MOCS1: variants seen among roughly 807,000 people sequenced by gnomAD.
MOCS1 encodes the protein molybdenum cofactor synthesis 1, also known as molybdenum cofactor biosynthesis protein 1.
A neutral mutation model predicts 57.6 loss-of-function variants in MOCS1; 39 were observed. The ratio of observed to expected loss-of-function variants is 0.68; its 90% CI spans 0.52 to 0.88. The LOEUF (loss-of-function observed/expected upper bound fraction) is 0.88, where lower values mean the gene tolerates loss of function less well. MOCS1 is among the 40% of genes least tolerant of loss of function. The probability of loss-of-function intolerance (pLI) is 0.00; values close to 1 mark genes in which losing one functional copy is unlikely to be tolerated. For missense variants in MOCS1, 795 were observed against 831.1 expected, an observed-to-expected ratio of 0.96 and a Z score of 0.53; for synonymous variants, 334 against 335.7, an observed-to-expected ratio of 1.00 and a Z score of 0.05.
At chr6:39,907,931 T>A (rs1465902973) in intron 10 of MOCS1, among the ~76,000 whole-genome samples, 2 of 152,216 alleles carry the variant, frequency 1.3e-5, no homozygotes, top group African/African-American at 4.8e-5. Flanking sequence ...TCTCTGAAAG[T>A]ATGAGGCAAA....
rs745669044 is a variant in MOCS1, at chr6:39,927,460, G to A, written c.124-5C>T. On this transcript the variant is annotated splice_polypyrimidine_tract_variant and splice_region_variant and intron_variant, in intron 1 of 10. Transcript: ENST00000340692. ...CTGCCTCCGCCTGGACACCTCCTGCGAGGACAGACCAGGGAGGAAGCATGG... is the reference window on the plus strand; with the variant it reads ...CTGCCTCCGCCTGGACACCTCCTGCAAGGACAGACCAGGGAGGAAGCATGG... 10 of 1,610,494 alleles carry A rather than the reference G, an allele frequency of 6.2e-6. No individual in the cohort carries two copies. The highest frequency in any genetic ancestry group is 5.5e-5 in the South Asian group (5 of 90,642).
chr6:39,925,709 C>G lies in MOCS1; in HGVS notation c.387G>C (p.Pro129=), dbSNP rs547995191. 1.2e-6 allele frequency: 2 copies of G among 1,612,822 alleles called. No individual in the cohort carries two copies. Among genetic ancestry groups the G allele is most frequent in the Admixed American group, 3.3e-5 (2 of 60,024 alleles). Residue 129 remains proline (P), a synonymous_variant, in exon 3 of 11, where the codon CCG becomes CCC. Coordinates refer to ENST00000340692, the MANE Select transcript of MOCS1 (RefSeq NM_001358530.2). ...TGTCCACCACGTCCGGCCGGATAAGCGGCTCTCCACCTGTGAGCCGGATCT... is the reference window on the plus strand; with the variant it reads ...TGTCCACCACGTCCGGCCGGATAAGGGGCTCTCCACCTGTGAGCCGGATCT... ...IDKIRLTGGE[P]LIRPDVVDIV...
At chr6:39,928,825 T>C (rs1396105212) in intron 1 of MOCS1, among the ~76,000 whole-genome samples, 1 of 152,136 alleles carries the variant, frequency 6.6e-6, no homozygotes. Flanking sequence ...AAAATTATGA[T>C]GAAGAACAGA....
At chr6:39,909,722 C>T (rs112683149) in intron 9 of MOCS1, 113 bp downstream of exon 9, 222 of 1,445,996 alleles carry the variant, frequency 1.5e-4, no homozygotes, top group Middle Eastern at 1.5e-3. Context: ...TGCTGACTCT[C>T]GCCAGCTTCC....
chr6:39,919,442 C>T (rs983479205), intron 3 of MOCS1, among the ~76,000 whole-genome samples: 3 of 151,770 alleles, frequency 2.0e-5, no homozygotes, highest in South Asian at 2.1e-4. Flanking sequence ...GAGCCGAGAT[C>T]GTGTCATTGC....
At position 39,916,200 on chromosome 6, in the gene MOCS1, T is replaced by C. The variant is rs760464651; in HGVS notation, c.451A>G (p.Ile151Val). ...QLQRLEGLRTIGVTTNGINLA... is the reference protein window; with the variant it reads ...QLQRLEGLRTVGVTTNGINLA... The stretch of plus-strand genomic sequence containing the variant: ...TTGATGCCATTGGTGGTAACACCTA[T>C]GGTTCTCAGCCCTTCCAGCCGCTGG... Residue 151 changes from isoleucine to valine, a missense_variant, in exon 4 of 11, where the codon ATA becomes GTA. This residue lies in a region of MOCS1 where 416 missense variants were observed against 392.4 expected (regional missense o/e 1.06). Coordinates refer to ENST00000340692, the MANE Select transcript of MOCS1 (RefSeq NM_001358530.2). 60 of 1,613,918 alleles carry C rather than the reference T, an allele frequency of 3.7e-5. No individual in the cohort carries two copies. The South Asian group carries it at 6.4e-4, about 17-fold the overall frequency.
At chr6:39,917,345 C>T (rs1453179372) in intron 3 of MOCS1, among the ~76,000 whole-genome samples, 5 of 152,152 alleles carry the variant, frequency 3.3e-5, no homozygotes, top group Admixed American at 2.0e-4. Context: ...ATCATGAGAA[C>T]AGCATGAGGG....
At chr6:39,927,836 C>T in intron 1 of MOCS1, 1 of 1,092,410 alleles carries the variant, frequency 9.2e-7, no homozygotes, top group East Asian at 3.8e-5. Flanking sequence ...GAAGAGACTG[C>T]TGAAGGCCAC....
At chr6:39,916,274 C>T (rs1478025060) in intron 3 of MOCS1, 42 bp from the exon 4 acceptor site, 1 of 1,610,170 alleles carries the variant, frequency 6.2e-7, no homozygotes, top group Admixed American at 1.7e-5. Flanking sequence ...CTTGCTTGTT[C>T]TTGGTGAGGC....
chr6:39,924,039 G>A (rs889753169), intron 3 of MOCS1, among the ~76,000 whole-genome samples: 21 of 152,184 alleles, frequency 1.4e-4, no homozygotes, highest in South Asian at 2.1e-4. Context: ...TCATAGCCCC[G>A]ATTTCATCAC....
intron 3 of MOCS1, among the ~76,000 whole-genome samples, 160 bp downstream of exon 3, chr6:39,925,518 A>G (rs1170665332): frequency 1.3e-5 from 2 of 152,208 alleles, no homozygotes; most frequent in African/African-American, 4.8e-5. Context: ...TTTCTCATCA[A>G]AAATGGAAAT....
chr6:39,929,778 T>G (rs577404121), intron 1 of MOCS1, among the ~76,000 whole-genome samples: 1 of 151,660 alleles, frequency 6.6e-6, no homozygotes, highest in South Asian at 2.1e-4. Flanking sequence ...CCGTCTCTAC[T>G]AAAAAATACA....
In MOCS1 at chr6:39,913,405, G is replaced by A. The variant is rs767413157; in HGVS notation, c.669C>T (p.Gly223=). Residue 223 remains glycine, a synonymous_variant, in exon 6 of 11, where the codon GGC becomes GGT. Transcript: ENST00000340692. ...AGTCCAGGAGTTCATCCTCGTTAAG[G>A]CCTCGCATCACCACACAGTTCACCT... ...PVKVNCVVMR[G]LNEDELLDFA... is the part of the protein sequence containing the mutation. 9.3e-6 allele frequency: 15 copies of A among 1,614,064 alleles called. No individual in the cohort carries two copies. Among genetic ancestry groups the A allele is most frequent in the Non-Finnish European group, 1.3e-5 (15 of 1,180,028 alleles).
Position 39,909,117 on chromosome 6 carries a change from A to C in MOCS1, c.1103-15T>G, listed in dbSNP as rs202219276. ...ACTGAACATGCCTGGGGTGAGGGAA[A>C]GATGGGGAGGGAGAGGAAAGCAGGG... On this transcript the variant is annotated splice_polypyrimidine_tract_variant and intron_variant, in intron 9 of 10. Coordinates refer to ENST00000340692, the MANE Select transcript of MOCS1 (RefSeq NM_001358530.2). The C allele has an allele frequency of 6.4e-7, 1 of 1,563,442 alleles. No individual in the cohort carries two copies. Among genetic ancestry groups the C allele is most frequent in the Non-Finnish European group, 8.7e-7 (1 of 1,146,266 alleles).
intron 5 of MOCS1, 86 bp from the exon 6 acceptor site, chr6:39,913,514 G>C (rs1767469479): frequency 8.5e-7 from 1 of 1,182,114 alleles, no homozygotes; most frequent in Admixed American, 1.9e-5. Context: ...CACTCACTGA[G>C]GCCTTCCACT....
At chr6:39,914,747 C>T (rs1187182710) in intron 4 of MOCS1, among the ~76,000 whole-genome samples, 1 of 152,104 alleles carries the variant, frequency 6.6e-6, no homozygotes. Context: ...AATAATGCTG[C>T]TAGGATAACC....
chr6:39,925,724 G>A lies in MOCS1; in HGVS notation c.372C>T (p.Leu124=), dbSNP rs1380324846. 11 of 1,612,716 alleles carry A rather than the reference G, an allele frequency of 6.8e-6. No individual in the cohort carries two copies. In the Admixed American group the frequency reaches 1.0e-4, roughly 15 times the overall value. ...FVKEGIDKIR[L]TGGEPLIRPD... ...GCCGGATAAGCGGCTCTCCACCTGT[G>A]AGCCGGATCTTGTCGATGCCTTCCT... is the stretch of plus-strand genomic sequence containing the variant. Residue 124 remains leucine, a synonymous_variant, in exon 3 of 11, where the codon CTC becomes CTT. Transcript: ENST00000340692.
At chr6:39,917,468 C>T (rs1164082719) in intron 3 of MOCS1, among the ~76,000 whole-genome samples, 1 of 152,074 alleles carries the variant, frequency 6.6e-6, no homozygotes, top group Non-Finnish European at 1.5e-5. Flanking sequence ...CAAACCATTT[C>T]GGGGGCAAGG....
rs759026972 is a variant in MOCS1 at position 39,904,767 on chromosome 6, G to A, written c.*1590C>T. 2 of 454,118 alleles carry A rather than the reference G, an allele frequency of 4.4e-6. No homozygotes were observed. The highest frequency in any genetic ancestry group is 8.8e-6 in the Non-Finnish European group (2 of 226,800). 28.1% of individuals were successfully genotyped at this position (454,118 alleles called of 1,614,324 possible). On this transcript the variant is annotated 3_prime_UTR_variant, in exon 11 of 11. Transcript: ENST00000340692. The stretch of plus-strand genomic sequence containing the variant: ...TCACCAGCTGCCTCAGATGACAAAT[G>A]AGGCTAATGGACATAATCTACAGTG...
Sources: gnomAD v4.1 joint callset for allele counts (sites outside exome capture counted in the v4.1 genomes callset) on GRCh38, gnomAD v4.1.1 for gene constraint, gnomAD v4.1.1 regional missense constraint, MANE v1.5 for transcripts, NCBI Gene and HGNC (gene_info 2026-07-23, HGNC 2026-07-21) for gene names.